KLHL1: variants seen among roughly 807,000 people sequenced by gnomAD.
KLHL1 encodes the protein kelch-like protein 1.
Under a neutral mutation model 77.7 loss-of-function variants are expected in KLHL1, and 47 were observed. The ratio of observed to expected loss-of-function variants is 0.60; its 90% CI spans 0.48 to 0.77. KLHL1 has a LOEUF of 0.77. KLHL1 is among the 30% of genes least tolerant of loss of function. KLHL1 has a pLI of 0.00. For synonymous variants in KLHL1, 360 were observed against 325.2 expected (o/e 1.11, Z -1.15); for missense variants, 925 against 910.8 (o/e 1.02, Z -0.20).
At chr13:69,792,743 A>ACTT (rs1339562571) in intron 7 of KLHL1, among the ~76,000 whole-genome samples, 2 of 152,184 alleles carry the variant, frequency 1.3e-5, no homozygotes, top group African/African-American at 4.8e-5. Context: ...CCTGAAATTG[A>ACTT]CTTTAAAACA....
At chr13:69,814,015 A>G (rs1197387784) in intron 6 of KLHL1, among the ~76,000 whole-genome samples, 1 of 152,220 alleles carries the variant, frequency 6.6e-6, no homozygotes, top group African/African-American at 2.4e-5. Flanking sequence ...GGCTACAGTA[A>G]CCAAAACAGC....
chr13:69,802,918 T>C (rs1045704888), intron 6 of KLHL1: 3 of 152,180 alleles, frequency 2.0e-5, no homozygotes, highest in African/African-American at 7.2e-5. Flanking sequence ...CATTGATTAT[T>C]TTCTATAAAA....
At chr13:70,045,564 A>T (rs1245037169) in intron 1 of KLHL1, among the ~76,000 whole-genome samples, 1 of 136,812 alleles carries the variant, frequency 7.3e-6, no homozygotes, top group Admixed American at 8.0e-5. Flanking sequence ...TTATTTATTT[A>T]AAAAACACAC....
At chr13:70,074,460 C>T (rs1234460812) in intron 1 of KLHL1, among the ~76,000 whole-genome samples, 1 of 151,984 alleles carries the variant, frequency 6.6e-6, no homozygotes, top group Non-Finnish European at 1.5e-5. Context: ...CCACATCTAC[C>T]TCATCTCACT....
intron 7 of KLHL1, among the ~76,000 whole-genome samples, chr13:69,757,806 A>G (rs1347632491): frequency 2.0e-5 from 3 of 151,894 alleles, no homozygotes; most frequent in African/African-American, 7.3e-5. Context: ...AAATGCAAAA[A>G]ATTAGCTTGG....
At chr13:70,051,266 C>CA (rs1384060696) in intron 1 of KLHL1, among the ~76,000 whole-genome samples, 2 of 151,868 alleles carry the variant, frequency 1.3e-5, no homozygotes, top group Non-Finnish European at 2.9e-5. Flanking sequence ...TTTCCAATAA[C>CA]AAAAACCTCA....
At chr13:70,021,559 G>A (rs571142061) in intron 1 of KLHL1, among the ~76,000 whole-genome samples, 2 of 152,122 alleles carry the variant, frequency 1.3e-5, no homozygotes, top group Admixed American at 1.3e-4. Flanking sequence ...CATGGCAAAC[G>A]TATATCTAGT....
intron 6 of KLHL1, among the ~76,000 whole-genome samples, chr13:69,809,493 C>T (rs925428974): frequency 1.3e-5 from 2 of 152,068 alleles, no homozygotes; most frequent in African/African-American, 2.4e-5. Context: ...AAGTCTTCCC[C>T]AGTCAAGCAA....
intron 5 of KLHL1, among the ~76,000 whole-genome samples, chr13:69,848,420 C>T (rs1026723243): frequency 4.0e-5 from 6 of 151,506 alleles, no homozygotes; most frequent in Non-Finnish European, 7.4e-5. Context: ...AGTTCCTCCT[C>T]TTACATTTAA....
intron 5 of KLHL1, among the ~76,000 whole-genome samples, chr13:69,873,048 A>G (rs1385868244): frequency 2.0e-5 from 3 of 152,236 alleles, no homozygotes; most frequent in Non-Finnish European, 4.4e-5. Context: ...TTAGGAAATT[A>G]TAACTTATTT....
At chr13:69,736,016 C>T (rs866365178) in intron 8 of KLHL1, among the ~76,000 whole-genome samples, 1 of 151,962 alleles carries the variant, frequency 6.6e-6, no homozygotes, top group Non-Finnish European at 1.5e-5. Context: ...GCAAATTCAA[C>T]AAAAACAAAG....
intron 1 of KLHL1, among the ~76,000 whole-genome samples, chr13:70,056,611 C>T (rs1051464178): frequency 6.6e-6 from 1 of 152,052 alleles, no homozygotes; most frequent in Non-Finnish European, 1.5e-5. Flanking sequence ...AAAATTGAAA[C>T]TTTATCAGGT....
intron 1 of KLHL1, among the ~76,000 whole-genome samples, chr13:70,098,988 T>C (rs1242714869): frequency 1.3e-5 from 2 of 151,938 alleles, no homozygotes; most frequent in Non-Finnish European, 2.9e-5. Flanking sequence ...ATTTACTTTT[T>C]TTGTAACTTT....
intron 7 of KLHL1, among the ~76,000 whole-genome samples, chr13:69,781,718 A>ACTC (rs769238645): frequency 1.3e-4 from 20 of 151,960 alleles, no homozygotes; most frequent in Non-Finnish European, 2.4e-4. Context: ...TTTTTTTGTC[A>ACTC]CTCATTGTTT....
At chr13:69,976,607 G>C (rs1361351294) in intron 1 of KLHL1, among the ~76,000 whole-genome samples, 1 of 151,914 alleles carries the variant, frequency 6.6e-6, no homozygotes, top group African/African-American at 2.4e-5. Flanking sequence ...GATGACAATT[G>C]CTTAAATAAC....
At chr13:69,976,063 G>A (rs1884536950) in intron 1 of KLHL1, among the ~76,000 whole-genome samples, 1 of 151,948 alleles carries the variant, frequency 6.6e-6, no homozygotes, top group African/African-American at 2.4e-5. Context: ...GTATTGATTA[G>A]GACCTTAAGT....
rs73510171 is a variant in KLHL1 at position 69,944,616 on chromosome 13, A to G, written c.818-4380T>C. Among the ~76,000 whole-genome samples, 1,009 of 152,296 alleles carry G rather than the reference A, an allele frequency of 6.6e-3. 12 individuals carry two copies. The highest frequency in any genetic ancestry group is 0.024 in the African/African-American group (977 of 41,564). ...TGCTGTGCTTAGAAGCTCAAAGATCAATATTGCTAAGATTTCATTTCACAC... is the reference window on the plus strand; with the variant it reads ...TGCTGTGCTTAGAAGCTCAAAGATCGATATTGCTAAGATTTCATTTCACAC... On this transcript the variant is annotated intron_variant, in intron 3 of 10. Coordinates refer to ENST00000377844, the MANE Select transcript of KLHL1 (RefSeq NM_020866.3).
At chr13:70,073,832 C>CT (rs922642043) in intron 1 of KLHL1, among the ~76,000 whole-genome samples, 7 of 126,008 alleles carry the variant, frequency 5.6e-5, no homozygotes, top group Admixed American at 2.5e-4. Context: ...ACATAATTTT[C>CT]TTTTTTTTTT....
At chr13:69,934,923 A>G (rs906009989) in intron 4 of KLHL1, among the ~76,000 whole-genome samples, 2 of 145,806 alleles carry the variant, frequency 1.4e-5, no homozygotes, top group Non-Finnish European at 3.0e-5. Flanking sequence ...TGCGTCTCAT[A>G]ATTTTTCTTT....
Sources: allele counts gnomAD v4.1 joint callset (sites outside exome capture counted in the v4.1 genomes callset), GRCh38; gene constraint gnomAD v4.1.1; transcripts MANE v1.5; gene names NCBI Gene and HGNC (gene_info 2026-07-23, HGNC 2026-07-21).